The following QTMAN variants were observed in gnomAD, a reference collection of about 807,000 sequenced individuals.
QTMAN encodes queuosine-tRNA mannosyltransferase, also known as tRNA-queuosine alpha-mannosyltransferase.
At chr2:144,081,980 T>C in the QTMAN span, among the ~76,000 whole-genome samples, 6 of 152,240 alleles carry the variant, frequency 3.9e-5, no homozygotes, top group African/African-American at 1.4e-4. Context: ...CTTGACTTCC[T>C]AGGCTCTGGT....
chr2:144,147,281 C>T, the QTMAN span, among the ~76,000 whole-genome samples: 61 of 151,464 alleles, frequency 4.0e-4, no homozygotes, highest in African/African-American at 1.4e-3. Flanking sequence ...AAAAATCTTA[C>T]CAAGGAGATG....
At chr2:144,117,276 A>C in the QTMAN span, among the ~76,000 whole-genome samples, 4 of 152,246 alleles carry the variant, frequency 2.6e-5, no homozygotes, top group Admixed American at 2.6e-4. Flanking sequence ...CACACAGCTC[A>C]TATCCTCTCC....
At chr2:144,110,202 T>TA in the QTMAN span, among the ~76,000 whole-genome samples, 3 of 152,234 alleles carry the variant, frequency 2.0e-5, no homozygotes, top group Non-Finnish European at 4.4e-5. Flanking sequence ...CATGGAATAC[T>TA]ATGCAGCCAT....
the QTMAN span, among the ~76,000 whole-genome samples, chr2:144,292,086 A>G: frequency 6.6e-6 from 1 of 152,230 alleles, no homozygotes; most frequent in Admixed American, 6.5e-5. Context: ...TGAGTACTGT[A>G]ATATCTACTA....
the QTMAN span, among the ~76,000 whole-genome samples, chr2:143,989,350 T>C: frequency 6.6e-6 from 1 of 152,166 alleles, no homozygotes; most frequent in Non-Finnish European, 1.5e-5. Flanking sequence ...AAGCTTTGTT[T>C]TATTTAACTC....
At chr2:144,173,618 A>C in the QTMAN span, among the ~76,000 whole-genome samples, 1 of 152,184 alleles carries the variant, frequency 6.6e-6, no homozygotes, top group African/African-American at 2.4e-5. Flanking sequence ...ATGTTTCTCC[A>C]GTAGGCTGGT....
chr2:144,235,232 A>C, the QTMAN span, among the ~76,000 whole-genome samples: 3 of 152,140 alleles, frequency 2.0e-5, no homozygotes, highest in Admixed American at 2.0e-4. Context: ...AAAGGTGTAG[A>C]AGAAGCCAGG....
At chr2:144,221,657 G>T in the QTMAN span, among the ~76,000 whole-genome samples, 1 of 152,094 alleles carries the variant, frequency 6.6e-6, no homozygotes, top group Non-Finnish European at 1.5e-5. Flanking sequence ...TAACTTTAGG[G>T]AAGGAGGCCA....
the QTMAN span, among the ~76,000 whole-genome samples, chr2:144,074,055 A>G: frequency 1.3e-5 from 2 of 152,198 alleles, no homozygotes; most frequent in African/African-American, 4.8e-5. Context: ...AAATAGCAAT[A>G]AAGAGAACAT....
the QTMAN span, among the ~76,000 whole-genome samples, chr2:144,333,056 C>T: frequency 6.6e-6 from 1 of 151,960 alleles, no homozygotes; most frequent in Non-Finnish European, 1.5e-5. Flanking sequence ...GCTCTGCAGC[C>T]CGGAGCTCCT....
chr2:144,054,359 T>C, the QTMAN span, among the ~76,000 whole-genome samples: 1 of 152,148 alleles, frequency 6.6e-6, no homozygotes, highest in East Asian at 1.9e-4. Flanking sequence ...TACTTTCCCA[T>C]AGACCTCTGT....
At chr2:143,984,313 G>C in the QTMAN span, among the ~76,000 whole-genome samples, 1 of 152,148 alleles carries the variant, frequency 6.6e-6, no homozygotes, top group African/African-American at 2.4e-5. Context: ...AGGTGAAAAA[G>C]CTGCCAAAGA....
At chr2:144,250,126 T>G in the QTMAN span, among the ~76,000 whole-genome samples, 5 of 144,742 alleles carry the variant, frequency 3.5e-5, no homozygotes, top group East Asian at 1.9e-4. Flanking sequence ...TTTTTGTGTT[T>G]TTTTTTTTTG....
chr2:144,330,979 C>CCTTTGCAAA, the QTMAN span, among the ~76,000 whole-genome samples: 9 of 152,350 alleles, frequency 5.9e-5, no homozygotes, highest in African/African-American at 1.9e-4. Context: ...GCCATCTTAA[C>CCTTTGCAAA]CTTTGCAAAC....
chr2:144,099,422 A>G, the QTMAN span, among the ~76,000 whole-genome samples: 6 of 152,190 alleles, frequency 3.9e-5, no homozygotes, highest in Admixed American at 6.5e-5. Flanking sequence ...TAAAAGATGC[A>G]AAGTCTTATA....
At chr2:144,320,602 C>T in the QTMAN span, among the ~76,000 whole-genome samples, 3 of 152,164 alleles carry the variant, frequency 2.0e-5, no homozygotes, top group Non-Finnish European at 4.4e-5. Context: ...TGGCCTGCTC[C>T]ATGTCCCCAA....
chr2:144,087,145 T>C, the QTMAN span, among the ~76,000 whole-genome samples: 1 of 152,134 alleles, frequency 6.6e-6, no homozygotes, highest in Non-Finnish European at 1.5e-5. Flanking sequence ...GAATGAGTCA[T>C]TATAACCTCA....
At chr2:144,186,052 T>C in the QTMAN span, among the ~76,000 whole-genome samples, 5 of 152,138 alleles carry the variant, frequency 3.3e-5, no homozygotes, top group East Asian at 5.8e-4. Flanking sequence ...AGTTGAGACA[T>C]GGTATTCATT....
chr2:144,317,678 A>C, the QTMAN span: 2 of 152,218 alleles, frequency 1.3e-5, no homozygotes, highest in Non-Finnish European at 2.9e-5. Context: ...AGAACTCATC[A>C]GACAAGGGAG....
Sources: allele counts gnomAD v4.1 joint callset (sites outside exome capture counted in the v4.1 genomes callset), GRCh38; gene constraint gnomAD v4.1.1; transcripts MANE v1.5; gene names NCBI Gene and HGNC (gene_info 2026-07-23, HGNC 2026-07-21).